Variants in NCALD observed in about 807,000 individuals in gnomAD.
The protein encoded by NCALD is neurocalcin delta.
Under a neutral mutation model 18.6 loss-of-function variants are expected in NCALD, and 10 were observed. The observed-to-expected ratio is 0.54, with a 90% CI of 0.33 to 0.91. NCALD has a LOEUF of 0.91. NCALD is among the 40% of genes least tolerant of loss of function. NCALD has a pLI of 0.03. For missense variants in NCALD, 184 were observed against 247.6 expected (o/e 0.74, Z 1.72); for synonymous variants, 88 against 87.4 (o/e 1.01, Z -0.04).
At chr8:102,067,491 C>T (rs1482158474) in intron 1 of NCALD, among the ~76,000 whole-genome samples, 5 of 151,988 alleles carry the variant, frequency 3.3e-5, no homozygotes, top group Non-Finnish European at 5.9e-5. Context: ...CCTTATATGA[C>T]CTTGACATAA....
At chr8:101,719,741 A>C in intron 1 of NCALD, 93 bp from the exon 2 acceptor site, 1 of 1,226,738 alleles carries the variant, frequency 8.2e-7, no homozygotes, top group Non-Finnish European at 1.1e-6. Flanking sequence ...GAAGAAGAAA[A>C]AACAAACAAA....
intron 1 of NCALD, among the ~76,000 whole-genome samples, chr8:101,734,983 T>C (rs1586346326): frequency 6.6e-6 from 1 of 151,904 alleles, no homozygotes; most frequent in Non-Finnish European, 1.5e-5. Context: ...CTGTTGCAGA[T>C]TAGAAATTAG....
At chr8:101,706,274 A>C (rs1348664814) in intron 2 of NCALD, among the ~76,000 whole-genome samples, 1 of 151,898 alleles carries the variant, frequency 6.6e-6, no homozygotes, top group Non-Finnish European at 1.5e-5. Context: ...AGGAGTGCCA[A>C]AGATGTCTCT....
intron 4 of NCALD, among the ~76,000 whole-genome samples, chr8:101,846,683 A>G (rs1814881269): frequency 6.6e-6 from 1 of 152,202 alleles, no homozygotes. Context: ...TGATCATTCT[A>G]GGCCAGTGGT....
Position 101,908,604 on chromosome 8 carries a change from C to T in NCALD, c.-107+7205G>A, listed in dbSNP as rs1011790566. ...TTAGAAGACTTCATGCAATAAAACT[C>T]CTGCATCTTCTACCCTTTCAATAAT... On this transcript the variant is annotated intron_variant, in intron 3 of 6. Coordinates refer to the NCALD transcript ENST00000311028. Among the ~76,000 whole-genome samples, 4 of 152,256 alleles carry T rather than the reference C, an allele frequency of 2.6e-5. No individual in the cohort carries two copies. The South Asian group carries it at 8.3e-4, about 32-fold the overall frequency.
intron 1 of NCALD, among the ~76,000 whole-genome samples, chr8:101,746,461 T>C (rs1260573759): frequency 6.6e-6 from 1 of 152,130 alleles, no homozygotes; most frequent in Non-Finnish European, 1.5e-5. Context: ...CATATATATA[T>C]ATATGTTAGT....
At chr8:102,062,257 C>T (rs62523037) in intron 1 of NCALD, among the ~76,000 whole-genome samples, 22,344 of 152,188 alleles carry the variant, frequency 0.15, 2,081 homozygotes, top group Non-Finnish European at 0.2. Context: ...GAGCTATGAT[C>T]GCACCACTGC....
intron 1 of NCALD, among the ~76,000 whole-genome samples, chr8:101,787,070 A>C (rs1743473113): frequency 6.6e-6 from 1 of 152,236 alleles, no homozygotes; most frequent in South Asian, 2.1e-4. Context: ...TTCTGAAAAC[A>C]ATAAAAAATA....
chr8:102,099,627 TA>T (rs11311408), intron 1 of NCALD, among the ~76,000 whole-genome samples: 47,490 of 140,644 alleles, frequency 0.34, 7,438 homozygotes, highest in Non-Finnish European at 0.35. Flanking sequence ...TTGTCATTAA[TA>T]AAAAAAAAAA....
At chr8:102,008,917 TACACACACACACACACACACAC>T (rs761346653) in intron 2 of NCALD, among the ~76,000 whole-genome samples, 29 of 38,542 alleles carry the variant, frequency 7.5e-4, no homozygotes, top group Admixed American at 2.1e-3. Context: ...CCCGCCCCCC[TACACACACACACACACACACAC>T]ACACACACAC....
At chr8:101,971,579 G>A (rs1171877181) in intron 2 of NCALD, among the ~76,000 whole-genome samples, 1 of 152,040 alleles carries the variant, frequency 6.6e-6, no homozygotes, top group Non-Finnish European at 1.5e-5. Flanking sequence ...ATGACTGGAA[G>A]TTTCCTGAGG....
intron 3 of NCALD, among the ~76,000 whole-genome samples, chr8:101,887,957 C>G (rs1816732761): frequency 6.6e-6 from 1 of 152,160 alleles, no homozygotes; most frequent in South Asian, 2.1e-4. Flanking sequence ...CTGCTCCCCT[C>G]CTGGCGCAAT....
At chr8:101,959,314 G>A (rs4734604) in intron 2 of NCALD, among the ~76,000 whole-genome samples, 53,248 of 151,606 alleles carry the variant, frequency 0.35, 9,608 homozygotes, top group South Asian at 0.44. Flanking sequence ...CATCCCAGAA[G>A]TGATGCTGTG....
rs141505828 is a variant in NCALD, at chr8:101,743,018, G to A, written c.-19-23370C>T. Among the ~76,000 whole-genome samples the A allele has an allele frequency of 5.7e-3, 861 of 152,174 alleles. 3 individuals carry two copies. The highest frequency in any genetic ancestry group is 9.1e-3 in the Non-Finnish European group (616 of 68,026). ...GGACATGATCTCATTCCTTTTCATG[G>A]CTTACAAGGATTCTAAATATATATT... On this transcript the variant is annotated intron_variant, in intron 1 of 3. Transcript: ENST00000220931.
intron 1 of NCALD, among the ~76,000 whole-genome samples, chr8:102,042,320 G>C (rs908322827): frequency 6.6e-6 from 1 of 151,966 alleles, no homozygotes; most frequent in Non-Finnish European, 1.5e-5. Context: ...TTTGGAGAGA[G>C]CTGTACTTTA....
rs766017887 is a variant in NCALD at position 101,736,670 on chromosome 8, G to A, written c.-19-17022C>T. Among the ~76,000 whole-genome samples the A allele has an allele frequency of 2.0e-3, 310 of 152,206 alleles. 1 individual carries two copies. In the Middle Eastern group the frequency reaches 0.02, roughly 10 times the overall value. ...TATGGCTCAGAGTTCAGGGAGTAAA[G>A]AGACTCCAAAGAGGTAAGAACCTCT... On this transcript the variant is annotated intron_variant, in intron 1 of 3. Transcript: ENST00000220931.
intron 1 of NCALD, among the ~76,000 whole-genome samples, chr8:102,074,637 C>A (rs1824283614): frequency 6.6e-6 from 1 of 152,162 alleles, no homozygotes; most frequent in Admixed American, 6.5e-5. Flanking sequence ...TCAACCCTGA[C>A]TGCACTTGAT....
rs1002690248 is a variant in NCALD, at chr8:101,687,201, C to G, written c.*2108G>C. On this transcript the variant is annotated 3_prime_UTR_variant, in exon 4 of 4. Transcript: ENST00000220931. ...AAGGGCAGAGCCCAGGCAGGTTTCT[C>G]AAAACATTAACTGATTCCACCTACC... 3 of 152,522 alleles carry G rather than the reference C, an allele frequency of 2.0e-5. No homozygotes were observed. Among genetic ancestry groups the G allele is most frequent in the Non-Finnish European group, 4.4e-5 (3 of 68,054 alleles). The allele number at this position is 152,522 out of a possible 1,614,324, so 9.4% of individuals were successfully genotyped here. A position where few individuals can be genotyped will look rare whatever the true frequency, so the allele number is the denominator to read the frequency against.
upstream of NCALD, among the ~76,000 whole-genome samples, chr8:101,792,506 A>G (rs769257491): frequency 4.9e-4 from 74 of 152,320 alleles, no homozygotes; most frequent in East Asian, 2.1e-3. Flanking sequence ...TTCCTCCTTT[A>G]ATTTCAGATT....
Sources: gnomAD v4.1 joint callset for allele counts (sites outside exome capture counted in the v4.1 genomes callset) on GRCh38, gnomAD v4.1.1 for gene constraint, MANE v1.5 for transcripts, NCBI Gene and HGNC (gene_info 2026-07-23, HGNC 2026-07-21) for gene names.